The following NIPBL variants were observed in gnomAD, a reference collection of about 807,000 sequenced individuals.
NIPBL encodes the protein NIPBL cohesin loading factor.
Under a neutral mutation model 321.8 loss-of-function variants are expected in NIPBL, and 19 were observed. That is an observed-to-expected ratio of 0.06 (90% confidence interval 0.04 to 0.09). NIPBL has a LOEUF of 0.09. NIPBL is among the 10% of genes least tolerant of loss of function. The probability of loss-of-function intolerance (pLI) is 1.00; values close to 1 mark genes in which losing one functional copy is unlikely to be tolerated. For missense variants in NIPBL, 2,210 were observed against 3,327.0 expected (o/e 0.66, Z 8.26); for synonymous variants, 1,106 against 1,114.1 (o/e 0.99, Z 0.14).
chr5:37,025,380 T>A (rs1240005361), intron 30 of NIPBL, among the ~76,000 whole-genome samples: 1 of 152,250 alleles, frequency 6.6e-6, no homozygotes, highest in Non-Finnish European at 1.5e-5. Context: ...ATTAAATAAA[T>A]ACTTTGTTTC....
In NIPBL at chr5:36,985,541, A is replaced by C; in HGVS notation, c.2361A>C (p.Lys787Asn). Reference sequence around the variant, plus strand: ...TGTCTAAACATAAACAAGATACTAAATCTGACTCACCTCGGTTAAAATCAG... The same window carrying C: ...TGTCTAAACATAAACAAGATACTAACTCTGACTCACCTCGGTTAAAATCAG... ...PEVSKHKQDT[K>N]SDSPRLKSER... Residue 787 changes from lysine (K) to asparagine (N), a missense_variant, in exon 10 of 47, where the codon AAA (lysine) becomes AAC (asparagine). By Grantham distance (94) the Lys-to-Asn change is moderately conservative. Coordinates refer to ENST00000282516, the MANE Select transcript of NIPBL (RefSeq NM_133433.4). 1.2e-6 allele frequency: 2 copies of C among 1,613,822 alleles called. No homozygotes were observed. The highest frequency in any genetic ancestry group is 1.7e-6 in the Non-Finnish European group (2 of 1,179,968).
At chr5:36,937,090 G>A (rs554719907) in intron 1 of NIPBL, among the ~76,000 whole-genome samples, 5 of 152,198 alleles carry the variant, frequency 3.3e-5, no homozygotes, top group South Asian at 2.1e-4. Flanking sequence ...ACTATAGATA[G>A]CATTTATCTA....
intron 1 of NIPBL, among the ~76,000 whole-genome samples, chr5:36,942,095 A>G (rs1340067075): frequency 6.6e-6 from 1 of 152,070 alleles, no homozygotes; most frequent in Non-Finnish European, 1.5e-5. Flanking sequence ...TTAGATCCTT[A>G]GTAAAAAGCT....
rs993992548 is a variant in NIPBL, at chr5:36,995,631, A to C, written c.3131A>C (p.Asp1044Ala). 6.2e-7 allele frequency: 1 copy of C among 1,610,732 alleles called. No homozygotes were observed. Among genetic ancestry groups the C allele is most frequent in the Non-Finnish European group, 8.5e-7 (1 of 1,177,074 alleles). The change falls in exon 11 of 47, where the codon GAT becomes GCT. Residue 1044 changes from aspartate (D) to alanine (A), a missense_variant. Asp to Ala is a moderately radical substitution (Grantham distance 126, BLOSUM62 -2). Coordinates refer to ENST00000282516, the MANE Select transcript of NIPBL (RefSeq NM_133433.4). ...TACCTTTCATTAATAGGTAGTATAG[A>C]TCAATCAGTGTTAAAAGAATTACCC... is the stretch of plus-strand genomic sequence containing the variant. Reference protein sequence around the residue: ...KPSKSNKGSIDQSVLKELPPE... With the variant: ...KPSKSNKGSIAQSVLKELPPE...
intron 8 of NIPBL, among the ~76,000 whole-genome samples, chr5:36,975,244 G>C (rs540998458): frequency 1.3e-5 from 2 of 152,044 alleles, no homozygotes; most frequent in African/African-American, 4.8e-5. Flanking sequence ...GTAAGTAAAG[G>C]CTCTAGTAAT....
At position 37,000,559 on chromosome 5, in the gene NIPBL, G is replaced by C. The variant is rs1407182684; in HGVS notation, c.3491G>C (p.Ser1164Thr). ...SDMEDYSPPP[S>T]LSEVARKMKK... ...ATGGAAGATTATTCTCCTCCTCCCAGCCTTAGTGAGGGTAATTCATCAGTG... is the reference window on the plus strand; with the variant it reads ...ATGGAAGATTATTCTCCTCCTCCCACCCTTAGTGAGGGTAATTCATCAGTG... The change falls in exon 12 of 47, where the codon AGC becomes ACC. Residue 1164 changes from serine to threonine, a missense_variant. Coordinates refer to ENST00000282516, the MANE Select transcript of NIPBL (RefSeq NM_133433.4). 6.2e-7 allele frequency: 1 copy of C among 1,613,054 alleles called. No individual in the cohort carries two copies. The highest frequency in any genetic ancestry group is 8.5e-7 in the Non-Finnish European group (1 of 1,179,400).
chr5:36,991,695 G>A (rs1183725657), intron 10 of NIPBL, among the ~76,000 whole-genome samples: 2 of 150,578 alleles, frequency 1.3e-5, no homozygotes, highest in Non-Finnish European at 3.0e-5. Context: ...TGTTATATGG[G>A]TAGGTTAGTG....
chr5:37,001,849 A>G (rs961623439), intron 14 of NIPBL, among the ~76,000 whole-genome samples: 2 of 152,186 alleles, frequency 1.3e-5, no homozygotes, highest in East Asian at 1.9e-4. Context: ...ATTCTTAACA[A>G]TCTTATGCCA....
intron 21 of NIPBL, among the ~76,000 whole-genome samples, chr5:37,012,534 A>G (rs1260754958): frequency 1.3e-5 from 2 of 150,146 alleles, no homozygotes; most frequent in Non-Finnish European, 3.0e-5. Flanking sequence ...TCACAGGACA[A>G]TAGTGGAGGG....
chr5:37,042,032 G>T (rs1752443457), intron 34 of NIPBL, among the ~76,000 whole-genome samples: 1 of 152,180 alleles, frequency 6.6e-6, no homozygotes, highest in South Asian at 2.1e-4. Context: ...ATCCTGTGGG[G>T]ATCCTAAAAG....
chr5:37,050,421 A>C (rs1447429466), intron 40 of NIPBL, among the ~76,000 whole-genome samples: 2 of 150,852 alleles, frequency 1.3e-5, no homozygotes, highest in South Asian at 4.2e-4. Context: ...CAGAGGTTGC[A>C]GTGAGCTGAG....
chr5:36,963,014 TAGTAC>T (rs1561084634), intron 6 of NIPBL, among the ~76,000 whole-genome samples: 1 of 152,140 alleles, frequency 6.6e-6, no homozygotes, highest in African/African-American at 2.4e-5. Flanking sequence ...AAATTTACTG[TAGTAC>T]AGTAAAGGAA....
intron 1 of NIPBL, among the ~76,000 whole-genome samples, chr5:36,945,217 T>G (rs879339925): frequency 9.9e-5 from 15 of 152,166 alleles, no homozygotes; most frequent in Non-Finnish European, 1.9e-4. Context: ...ACTATTTTTT[T>G]CCTGAGGTAG....
At chr5:36,889,886 T>G (rs1030461430) in intron 1 of NIPBL, among the ~76,000 whole-genome samples, 1 of 152,026 alleles carries the variant, frequency 6.6e-6, no homozygotes, top group Non-Finnish European at 1.5e-5. Flanking sequence ...AGACTTTTCT[T>G]AATTTTTTTT....
intron 10 of NIPBL, among the ~76,000 whole-genome samples, chr5:36,991,342 G>A (rs909548366): frequency 2.0e-5 from 3 of 152,044 alleles, no homozygotes; most frequent in Non-Finnish European, 4.4e-5. Flanking sequence ...AAAAGCTAAA[G>A]TATGTCTGAT....
intron 32 of NIPBL, among the ~76,000 whole-genome samples, chr5:37,028,905 A>C (rs1016141355): frequency 1.2e-4 from 18 of 152,038 alleles, no homozygotes; most frequent in Non-Finnish European, 1.5e-5. Flanking sequence ...TTCTCATGCG[A>C]CTTGTATGTT....
At chr5:37,031,022 C>T (rs967035602) in intron 32 of NIPBL, among the ~76,000 whole-genome samples, 4 of 147,688 alleles carry the variant, frequency 2.7e-5, no homozygotes, top group South Asian at 4.2e-4. Flanking sequence ...TCACTCTTGT[C>T]GCCCAGGGTG....
rs150837768 is a variant in NIPBL at position 36,976,283 on chromosome 5, T to G, written c.1376T>G (p.Ile459Arg). The stretch of plus-strand genomic sequence containing the variant: ...TCTGTGGTACAGAATCAACAACAGA[T>G]ATCACAACAGGGACCTATATATGAT... ...QTSVVQNQQQ[I>R]SQQGPIYDEV... Residue 459 changes from isoleucine (I) to arginine (R), a missense_variant, in exon 9 of 47, where the codon ATA becomes AGA. This residue lies in a region of NIPBL where 464 missense variants were observed against 529.5 expected (regional missense o/e 0.88). Coordinates refer to ENST00000282516, the MANE Select transcript of NIPBL (RefSeq NM_133433.4). 6.1e-5 allele frequency: 98 copies of G among 1,613,612 alleles called. No individual in the cohort carries two copies. Among genetic ancestry groups the G allele is most frequent in the Non-Finnish European group, 8.5e-6 (10 of 1,179,860 alleles).
intron 1 of NIPBL, among the ~76,000 whole-genome samples, chr5:36,899,336 T>TA (rs967188588): frequency 2.0e-4 from 30 of 151,058 alleles, no homozygotes; most frequent in Middle Eastern, 3.4e-3. Context: ...TTGCCTGCAT[T>TA]AAAAAAAAAG....
Sources: gnomAD v4.1 joint callset for allele counts (sites outside exome capture counted in the v4.1 genomes callset) on GRCh38, gnomAD v4.1.1 for gene constraint, gnomAD v4.1.1 regional missense constraint, MANE v1.5 for transcripts, NCBI Gene and HGNC (gene_info 2026-07-23, HGNC 2026-07-21) for gene names.